PLCE1: variants seen among roughly 807,000 people sequenced by gnomAD.
PLCE1 encodes the protein phospholipase C epsilon 1, also known as 1-phosphatidylinositol 4,5-bisphosphate phosphodiesterase epsilon-1.
In PLCE1, 119 loss-of-function variants were observed where a neutral mutation model predicts 242.8. The ratio of observed to expected loss-of-function variants is 0.49; its 90% CI spans 0.42 to 0.57. The LOEUF (loss-of-function observed/expected upper bound fraction) is 0.57. Ranked by LOEUF, PLCE1 falls within the 20% of genes least tolerant of loss-of-function variation. The pLI is 0.00. For missense variants in PLCE1, 2,441 were observed against 2,788.8 expected, an observed-to-expected ratio of 0.88 and a Z score of 2.81; for synonymous variants, 945 against 1,017.4, an observed-to-expected ratio of 0.93 and a Z score of 1.35.
At chr10:94,000,995 A>C (rs559183287) in intron 1 of PLCE1, among the ~76,000 whole-genome samples, 7 of 152,218 alleles carry the variant, frequency 4.6e-5, no homozygotes, top group Non-Finnish European at 8.8e-5. Context: ...TCTATGATAC[A>C]GACTTAATGC....
chr10:94,010,517 C>T (rs1339938622), intron 1 of PLCE1, among the ~76,000 whole-genome samples: 1 of 152,214 alleles, frequency 6.6e-6, no homozygotes, highest in African/African-American at 2.4e-5. Context: ...TTCTTCTCTA[C>T]CACATGGCCA....
chr10:94,254,896 T>G lies in PLCE1; in HGVS notation c.3401T>G (p.Val1134Gly), dbSNP rs1440143492. ...TTTCTGTCTTTCATCCTCACAGAGGTGAATGCCATCGCTAACCCTCCAAAC... is the reference window on the plus strand; with the variant it reads ...TTTCTGTCTTTCATCCTCACAGAGGGGAATGCCATCGCTAACCCTCCAAAC... ...QDINEQEESEVNAIANPPNPL... is the reference protein window; with the variant it reads ...QDINEQEESEGNAIANPPNPL... Residue 1134 changes from valine (V) to glycine (G), a missense_variant, in exon 11 of 33, where the codon GTG becomes GGG. Around this residue, in one of 5 missense-constraint regions of PLCE1, gnomAD observed 1,004 missense variants for 1,322.7 expected, o/e 0.76. Coordinates refer to ENST00000371380, the MANE Select transcript of PLCE1 (RefSeq NM_016341.4). 4 of 1,613,988 alleles carry G rather than the reference T, an allele frequency of 2.5e-6. No homozygotes were observed.
chr10:94,301,913 T>C (rs1442207064), intron 24 of PLCE1, among the ~76,000 whole-genome samples: 1 of 151,926 alleles, frequency 6.6e-6, no homozygotes, highest in Non-Finnish European at 1.5e-5. Context: ...AGACTTCCAA[T>C]CCTCAAATAT....
chr10:94,167,041 G>C (rs2047827919), intron 3 of PLCE1, among the ~76,000 whole-genome samples: 1 of 152,158 alleles, frequency 6.6e-6, no homozygotes, highest in Admixed American at 6.5e-5. Context: ...TGTAATCCTA[G>C]CACTTTGGGA....
chr10:94,032,277 C>T (rs2061574324), intron 2 of PLCE1, 25 bp downstream of exon 2: 1 of 1,609,414 alleles, frequency 6.2e-7, no homozygotes, highest in Admixed American at 1.7e-5. Flanking sequence ...TTCTTTTTAC[C>T]ATTTCTTTAA....
intron 30 of PLCE1, among the ~76,000 whole-genome samples, chr10:94,323,026 A>G (rs980618319): frequency 2.0e-5 from 3 of 152,318 alleles, no homozygotes; most frequent in African/African-American, 7.2e-5. Context: ...GACACTTAGT[A>G]TCTACAGTGA....
intron 3 of PLCE1, among the ~76,000 whole-genome samples, chr10:94,158,268 A>G (rs1441182498): frequency 6.6e-6 from 1 of 152,126 alleles, no homozygotes; most frequent in Non-Finnish European, 1.5e-5. Context: ...GCTGCTGGGT[A>G]AGAGGGCATC....
chr10:94,123,522 A>C (rs578247016), intron 2 of PLCE1, among the ~76,000 whole-genome samples: 79 of 152,340 alleles, frequency 5.2e-4, no homozygotes, highest in African/African-American at 1.9e-3. Context: ...TCATGAGCAG[A>C]GCAAACAGCA....
At chr10:94,283,709 A>T in intron 20 of PLCE1, 81 bp from the exon 21 acceptor site, 1 of 1,404,544 alleles carries the variant, frequency 7.1e-7, no homozygotes, top group Non-Finnish European at 1.0e-6. Flanking sequence ...AAGTATCTGG[A>T]TGTCCTCACA....
chr10:94,011,371 T>A (rs1444210973), intron 1 of PLCE1, among the ~76,000 whole-genome samples: 1 of 152,122 alleles, frequency 6.6e-6, no homozygotes. Context: ...ATACACTCCA[T>A]GATACAGTAT....
At chr10:94,186,761 T>C (rs1013302025) in intron 4 of PLCE1, among the ~76,000 whole-genome samples, 2 of 152,198 alleles carry the variant, frequency 1.3e-5, no homozygotes, top group Non-Finnish European at 2.9e-5. Flanking sequence ...CCAAGATACA[T>C]AATTGATATG....
chr10:94,134,485 C>T (rs928090664), intron 3 of PLCE1, among the ~76,000 whole-genome samples: 10 of 152,150 alleles, frequency 6.6e-5, no homozygotes, highest in Admixed American at 1.3e-4. Context: ...GGTTTCTCAC[C>T]ACAAACAATG....
At chr10:94,041,484 C>G (rs2061766554) in intron 2 of PLCE1, among the ~76,000 whole-genome samples, 1 of 152,182 alleles carries the variant, frequency 6.6e-6, no homozygotes, top group Admixed American at 6.5e-5. Context: ...TTTGCATCTC[C>G]TTGTCCCTGG....
At chr10:94,250,797 T>TA (rs2050848213) in intron 8 of PLCE1, among the ~76,000 whole-genome samples, 1 of 152,240 alleles carries the variant, frequency 6.6e-6, no homozygotes, top group South Asian at 2.1e-4. Context: ...ATGTATTGGT[T>TA]AAAATCCATA....
chr10:94,291,721 G>C (rs2052652284), intron 22 of PLCE1, among the ~76,000 whole-genome samples: 1 of 152,068 alleles, frequency 6.6e-6, no homozygotes, highest in Non-Finnish European at 1.5e-5. Context: ...TGGACAACAT[G>C]GTGAAATGCC....
intron 30 of PLCE1, among the ~76,000 whole-genome samples, chr10:94,323,310 C>G (rs757622303): frequency 9.2e-5 from 14 of 152,196 alleles, no homozygotes; most frequent in Non-Finnish European, 2.1e-4. Flanking sequence ...TACAACACAA[C>G]AATTAAGAGC....
intron 1 of PLCE1, among the ~76,000 whole-genome samples, chr10:94,016,126 T>C (rs1444037179): frequency 6.6e-6 from 1 of 152,110 alleles, no homozygotes; most frequent in Non-Finnish European, 1.5e-5. Flanking sequence ...TTTTCCATGA[T>C]CGCCTCCTTT....
intron 1 of PLCE1, among the ~76,000 whole-genome samples, chr10:94,022,661 C>G (rs1398946728): frequency 6.6e-6 from 1 of 151,822 alleles, no homozygotes; most frequent in Non-Finnish European, 1.5e-5. Flanking sequence ...AATTGATTTT[C>G]TTACTGATCA....
chr10:94,154,568 G>C (rs1159349408), intron 3 of PLCE1, among the ~76,000 whole-genome samples: 1 of 152,050 alleles, frequency 6.6e-6, no homozygotes, highest in Non-Finnish European at 1.5e-5. Context: ...TATAATAAGA[G>C]ATTAATAGCC....
Sources: allele counts gnomAD v4.1 joint callset (sites outside exome capture counted in the v4.1 genomes callset), GRCh38; gene constraint gnomAD v4.1.1; regional missense constraint gnomAD v4.1.1; transcripts MANE v1.5; gene names NCBI Gene and HGNC (gene_info 2026-07-23, HGNC 2026-07-21).